The following RABEPK variants were observed in gnomAD, a reference collection of about 807,000 sequenced individuals.
The protein encoded by RABEPK is Rab9 effector protein with kelch motifs, also known as 40 kDa Rab9 effector protein.
In RABEPK, 27 loss-of-function variants were observed where a neutral mutation model predicts 34.1. The observed-to-expected ratio is 0.79, with a 90% CI of 0.58 to 1.09. The LOEUF is 1.09. Ranked by LOEUF, RABEPK falls within the 50% of genes least tolerant of loss-of-function variation. RABEPK has a pLI of 0.00. For missense variants in RABEPK, 449 were observed against 462.6 expected (o/e 0.97, Z 0.27); for synonymous variants, 172 against 169.2 (o/e 1.02, Z -0.13).
At chr9:125,218,715 G>C (rs545289902) in intron 4 of RABEPK, among the ~76,000 whole-genome samples, 1 of 151,074 alleles carries the variant, frequency 6.6e-6, no homozygotes, top group South Asian at 2.1e-4. Flanking sequence ...CACTTTATCT[G>C]TCTCTCTCTC....
intron 2 of RABEPK, among the ~76,000 whole-genome samples, chr9:125,207,175 G>GTCAC (rs1444173142): frequency 1.3e-5 from 2 of 151,854 alleles, no homozygotes; most frequent in African/African-American, 4.8e-5. Context: ...CTTCCAAAAG[G>GTCAC]TCACACATCT....
chr9:125,212,709 G>GAGTA, intron 3 of RABEPK, among the ~76,000 whole-genome samples: 1 of 150,984 alleles, frequency 6.6e-6, no homozygotes, highest in Non-Finnish European at 1.5e-5. Context: ...GAGTACAGTG[G>GAGTA]CACAATCTTG....
intron 6 of RABEPK, among the ~76,000 whole-genome samples, chr9:125,230,538 A>T (rs200505263): frequency 1.8e-4 from 25 of 137,634 alleles, no homozygotes; most frequent in South Asian, 4.6e-4. Flanking sequence ...GATGGAAACT[A>T]TTTTTTTTTT....
At chr9:125,202,320 T>C (rs1163962571) in intron 1 of RABEPK, among the ~76,000 whole-genome samples, 1 of 134,602 alleles carries the variant, frequency 7.4e-6, no homozygotes, top group African/African-American at 2.8e-5. Context: ...CAGGAGTTAG[T>C]GACCAGCCTG....
chr9:125,214,021 C>T (rs771639352), intron 4 of RABEPK, among the ~76,000 whole-genome samples: 2 of 151,786 alleles, frequency 1.3e-5, no homozygotes, highest in African/African-American at 2.4e-5. Flanking sequence ...ACTCAAGAGG[C>T]TGAGGCAGGA....
chr9:125,222,582 C>T lies in RABEPK; in HGVS notation c.526+1882C>T, dbSNP rs548371567. Among the ~76,000 whole-genome samples, 11 of 151,498 alleles carry T rather than the reference C, an allele frequency of 7.3e-5. No individual in the cohort carries two copies. In the East Asian group the frequency reaches 1.7e-3, roughly 24 times the overall value. ...ACAAAAAATTAACTGGGCGTGGTGA[C>T]GCACACCTGTAATCCCAGCTACTTG... On this transcript the variant is annotated intron_variant, in intron 5 of 7. Transcript: ENST00000373538.
chr9:125,203,114 A>C (rs748308262), intron 2 of RABEPK, 48 bp downstream of exon 2: 15 of 1,514,594 alleles, frequency 9.9e-6, no homozygotes, highest in Non-Finnish European at 1.4e-5. Flanking sequence ...TTTTTGTTTC[A>C]TTTATAAGTA....
intron 4 of RABEPK, among the ~76,000 whole-genome samples, chr9:125,218,083 G>A (rs1331153701): frequency 6.6e-6 from 1 of 151,554 alleles, no homozygotes; most frequent in African/African-American, 2.4e-5. Context: ...AGGCCGAGGC[G>A]GGCAGATCAG....
At chr9:125,228,137 C>T in intron 6 of RABEPK, 78 bp downstream of exon 6, 2 of 1,229,276 alleles carry the variant, frequency 1.6e-6, no homozygotes, top group Non-Finnish European at 2.1e-6. Flanking sequence ...GGATCTCTGT[C>T]TGTCACTCAG....
At chr9:125,216,966 CAA>C (rs564126096) in intron 4 of RABEPK, among the ~76,000 whole-genome samples, 21 of 72,282 alleles carry the variant, frequency 2.9e-4, no homozygotes, top group Admixed American at 4.7e-4. Flanking sequence ...GACACCGTCT[CAA>C]AAAAAAAAAA....
intron 3 of RABEPK, among the ~76,000 whole-genome samples, chr9:125,209,057 CTTT>C (rs35098822): frequency 1.6e-5 from 2 of 121,734 alleles, no homozygotes; most frequent in Admixed American, 8.5e-5. Flanking sequence ...CTCAACCTCC[CTTT>C]TTTTTTTTTT....
chr9:125,202,903 G>A (rs1829995485), intron 1 of RABEPK, 105 bp from the exon 2 acceptor site: 2 of 693,576 alleles, frequency 2.9e-6, no homozygotes, highest in Non-Finnish European at 5.1e-6. Context: ...AATCAATCAG[G>A]CCTAGAAATT....
intron 6 of RABEPK, among the ~76,000 whole-genome samples, chr9:125,231,848 A>G (rs1832202049): frequency 6.6e-6 from 1 of 152,050 alleles, no homozygotes; most frequent in East Asian, 1.9e-4. Context: ...TTAAGTGAGC[A>G]AAATTTGTTG....
chr9:125,221,621 C>A (rs935614403), intron 5 of RABEPK: 4 of 151,556 alleles, frequency 2.6e-5, no homozygotes, highest in African/African-American at 9.7e-5. Context: ...TAAAAGATTC[C>A]CCTTCAGCCT....
chr9:125,207,519 T>A (rs773614731), intron 2 of RABEPK, 45 bp from the exon 3 acceptor site: 2 of 1,578,576 alleles, frequency 1.3e-6, no homozygotes, highest in African/African-American at 2.7e-5. Context: ...CACTACTGCA[T>A]TTATTCTCTG....
Position 125,220,533 on chromosome 9 carries a change from G to T in RABEPK, c.365-6G>T, listed in dbSNP as rs1564188269. On this transcript the variant is annotated splice_polypyrimidine_tract_variant and splice_region_variant and intron_variant, in intron 4 of 7. Coordinates refer to ENST00000373538, the MANE Select transcript of RABEPK (RefSeq NM_005833.4). Reference sequence around the variant, plus strand: ...ATTTTAAGTGCCTGCATTCTCTCTGGCCCAGAAACCAGGACGTGGACCACG... The same window carrying T: ...ATTTTAAGTGCCTGCATTCTCTCTGTCCCAGAAACCAGGACGTGGACCACG... 1 of 1,611,358 alleles carries T rather than the reference G, an allele frequency of 6.2e-7. No homozygotes were observed. Among genetic ancestry groups the T allele is most frequent in the Admixed American group, 1.7e-5 (1 of 59,662 alleles).
chr9:125,200,611 G>A lies in RABEPK; in HGVS notation c.-302G>A, dbSNP rs1264047335. The A allele has an allele frequency of 1.1e-5, 5 of 457,004 alleles. No homozygotes were observed. Among genetic ancestry groups the A allele is most frequent in the Admixed American group, 2.4e-5 (1 of 41,838 alleles). The allele number at this position is 457,004 out of a possible 1,614,324, so 28.3% of individuals were successfully genotyped here. ...GTCCGGGGCTGGAGGGTAGGGGCGA[G>A]GGTCCCCGGATACCGGGTCTATCAC... On this transcript the variant is annotated 5_prime_UTR_variant, in exon 1 of 8. Coordinates refer to ENST00000373538, the MANE Select transcript of RABEPK (RefSeq NM_005833.4).
At chr9:125,228,181 A>G (rs1205933889) in intron 6 of RABEPK, 122 bp downstream of exon 6, 7 of 841,038 alleles carry the variant, frequency 8.3e-6, no homozygotes, top group South Asian at 4.1e-5. Context: ...CAGTAGCCTC[A>G]GCCTCCAGGA....
At chr9:125,225,793 T>C (rs542980280) in intron 5 of RABEPK, among the ~76,000 whole-genome samples, 20 of 151,750 alleles carry the variant, frequency 1.3e-4, no homozygotes, top group African/African-American at 4.8e-4. Flanking sequence ...ACCCCGTATC[T>C]ACTAAAAAAC....
Sources: gnomAD v4.1 joint callset for allele counts (sites outside exome capture counted in the v4.1 genomes callset) on GRCh38, gnomAD v4.1.1 for gene constraint, MANE v1.5 for transcripts, NCBI Gene and HGNC (gene_info 2026-07-23, HGNC 2026-07-21) for gene names.